The following PTPRO variants were observed in gnomAD, a reference collection of about 807,000 sequenced individuals.
PTPRO encodes protein tyrosine phosphatase receptor type O, also known as receptor-type tyrosine-protein phosphatase O.
Under a neutral mutation model 145.2 loss-of-function variants are expected in PTPRO, and 62 were observed. The ratio of observed to expected loss-of-function variants is 0.43; its 90% CI spans 0.35 to 0.53. The LOEUF is 0.53. Ranked by LOEUF, PTPRO falls within the 20% of genes least tolerant of loss-of-function variation. The pLI is 0.01. For synonymous variants in PTPRO, 565 were observed against 514.7 expected (o/e 1.10, Z -1.32); for missense variants, 1,345 against 1,482.7 (o/e 0.91, Z 1.53).
At chr12:15,323,386 C>T (rs139293927) in intron 1 of PTPRO, among the ~76,000 whole-genome samples, 68 of 152,240 alleles carry the variant, frequency 4.5e-4, no homozygotes, top group African/African-American at 1.5e-3. Context: ...AAAAAGTCTC[C>T]AGACTTTCTC....
chr12:15,461,332 T>C (rs1223701964), intron 1 of PTPRO, among the ~76,000 whole-genome samples: 1 of 152,168 alleles, frequency 6.6e-6, no homozygotes. Flanking sequence ...ATTTCTTAAA[T>C]GTATTTGATT....
chr12:15,341,177 A>G (rs1346626705), intron 1 of PTPRO, among the ~76,000 whole-genome samples: 1 of 152,214 alleles, frequency 6.6e-6, no homozygotes, highest in Admixed American at 6.5e-5. Context: ...GAAGAACAAC[A>G]TTAACTCTTA....
intron 23 of PTPRO, among the ~76,000 whole-genome samples, chr12:15,582,796 T>A (rs1283934038): frequency 6.6e-6 from 1 of 152,174 alleles, no homozygotes; most frequent in Non-Finnish European, 1.5e-5. Flanking sequence ...TCCCTATCTC[T>A]CTTGAAGGGC....
rs746632844 is a variant in PTPRO, at chr12:15,497,231, C to A, written c.350-14C>A. 2 of 1,548,188 alleles carry A rather than the reference C, an allele frequency of 1.3e-6. No individual in the cohort carries two copies. The highest frequency in any genetic ancestry group is 1.8e-6 in the Non-Finnish European group (2 of 1,121,906). On this transcript the variant is annotated splice_polypyrimidine_tract_variant and intron_variant, in intron 2 of 26. Transcript: ENST00000281171. ...TCTTTCTTTTCCCTTTCTCCATTTACTTCACTTCTGTAGAACCTCTACCTG... is the reference window on the plus strand; with the variant it reads ...TCTTTCTTTTCCCTTTCTCCATTTAATTCACTTCTGTAGAACCTCTACCTG...
chr12:15,596,353 C>T lies in PTPRO; in HGVS notation c.*280C>T, dbSNP rs1944659601. ...TCTCCAAAGGGCAGGAAGTACAGCA[C>T]TTCCGAAGAGTTTAGTTGGCCCTTT... On this transcript the variant is annotated 3_prime_UTR_variant, in exon 27 of 27. Coordinates refer to ENST00000281171, the MANE Select transcript of PTPRO (RefSeq NM_030667.3). 6.6e-6 allele frequency: 1 copy of T among 152,622 alleles called. No homozygotes were observed. Among genetic ancestry groups the T allele is most frequent in the African/African-American group, 2.4e-5 (1 of 41,432 alleles). The allele number at this position is 152,622 out of a possible 1,614,324, so 9.5% of individuals were successfully genotyped here. A position where few individuals can be genotyped will look rare whatever the true frequency, so the allele number is the denominator to read the frequency against.
intron 6 of PTPRO, among the ~76,000 whole-genome samples, chr12:15,508,120 T>G (rs1942360518): frequency 6.6e-6 from 1 of 152,242 alleles, no homozygotes; most frequent in African/African-American, 2.4e-5. Flanking sequence ...CTTTTCGTTC[T>G]CACTGTTGCC....
At chr12:15,352,592 G>C (rs1937842875) in intron 1 of PTPRO, among the ~76,000 whole-genome samples, 1 of 148,260 alleles carries the variant, frequency 6.7e-6, no homozygotes, top group Admixed American at 6.8e-5. Flanking sequence ...CGAGCTTGCA[G>C]TGAGCCGGGA....
chr12:15,406,984 C>T (rs748339077), intron 1 of PTPRO, among the ~76,000 whole-genome samples: 2 of 152,144 alleles, frequency 1.3e-5, no homozygotes, highest in African/African-American at 2.4e-5. Flanking sequence ...GGAGCTAAAA[C>T]AAAGACATGG....
chr12:15,409,816 GA>G, intron 1 of PTPRO, among the ~76,000 whole-genome samples: 1 of 152,318 alleles, frequency 6.6e-6, no homozygotes, highest in Admixed American at 6.5e-5. Context: ...TACCAAGGGG[GA>G]GGGTGCTAAA....
chr12:15,417,529 G>A (rs1391371226), intron 1 of PTPRO, among the ~76,000 whole-genome samples: 1 of 151,646 alleles, frequency 6.6e-6, no homozygotes, highest in Non-Finnish European at 1.5e-5. Context: ...CATCAGCATT[G>A]AAATCACCTA....
intron 1 of PTPRO, among the ~76,000 whole-genome samples, chr12:15,474,989 C>T (rs1247325673): frequency 6.6e-6 from 1 of 152,198 alleles, no homozygotes; most frequent in African/African-American, 2.4e-5. Flanking sequence ...TTATTTTTGG[C>T]AACCTGGAAG....
chr12:15,425,488 C>T (rs1940259568), intron 1 of PTPRO, among the ~76,000 whole-genome samples: 1 of 152,118 alleles, frequency 6.6e-6, no homozygotes, highest in Admixed American at 6.6e-5. Context: ...TCTTCTGTTC[C>T]TTTATGATAC....
intron 1 of PTPRO, among the ~76,000 whole-genome samples, chr12:15,390,264 T>C (rs1939151692): frequency 6.6e-6 from 1 of 152,144 alleles, no homozygotes; most frequent in Non-Finnish European, 1.5e-5. Flanking sequence ...TCCCATGGTG[T>C]ATTAGTCTGT....
At chr12:15,514,799 T>C (rs892950936) in intron 7 of PTPRO, among the ~76,000 whole-genome samples, 2 of 152,192 alleles carry the variant, frequency 1.3e-5, no homozygotes, top group Non-Finnish European at 2.9e-5. Context: ...TGTCTCACTC[T>C]GTTGCCCAGG....
At chr12:15,433,457 A>G (rs1005217982) in intron 1 of PTPRO, among the ~76,000 whole-genome samples, 11 of 152,210 alleles carry the variant, frequency 7.2e-5, no homozygotes, top group African/African-American at 2.7e-4. Context: ...TGCTGGGATT[A>G]CAGGCGACAG....
At position 15,580,844 on chromosome 12, in the gene PTPRO, T is replaced by C. The variant is rs773785143; in HGVS notation, c.3132+13T>C. 83 of 1,613,816 alleles carry C rather than the reference T, an allele frequency of 5.1e-5. No individual in the cohort carries two copies. The highest frequency in any genetic ancestry group is 6.9e-5 in the Non-Finnish European group (81 of 1,179,784). ...TGAGAAAAGGAGGGTACGTACTTAC[T>C]GAAACTGCTCCCACTTAGCAGCAAA... is the stretch of plus-strand genomic sequence containing the variant. On this transcript the variant is annotated intron_variant, in intron 22 of 26. Transcript: ENST00000281171.
At chr12:15,507,291 T>C (rs1942340339) in intron 6 of PTPRO, among the ~76,000 whole-genome samples, 1 of 151,956 alleles carries the variant, frequency 6.6e-6, no homozygotes, top group Non-Finnish European at 1.5e-5. Flanking sequence ...TGGGCACCTG[T>C]AATCCCAGCT....
intron 14 of PTPRO, among the ~76,000 whole-genome samples, chr12:15,550,876 G>T (rs893686139): frequency 2.6e-5 from 4 of 152,150 alleles, no homozygotes; most frequent in African/African-American, 9.7e-5. Flanking sequence ...TGAAGAAGTA[G>T]ACAATGTGTA....
chr12:15,425,584 T>C (rs891281159), intron 1 of PTPRO, among the ~76,000 whole-genome samples: 1 of 152,184 alleles, frequency 6.6e-6, no homozygotes, highest in African/African-American at 2.4e-5. Context: ...TTTATACTTC[T>C]GTGACTTTTG....
Sources: gnomAD v4.1 joint callset for allele counts (sites outside exome capture counted in the v4.1 genomes callset) on GRCh38, gnomAD v4.1.1 for gene constraint, MANE v1.5 for transcripts, NCBI Gene and HGNC (gene_info 2026-07-23, HGNC 2026-07-21) for gene names.